PLEKHG6: variants seen among roughly 807,000 people sequenced by gnomAD.
PLEKHG6 encodes pleckstrin homology domain-containing family G member 6.
Under a neutral mutation model 97.5 loss-of-function variants are expected in PLEKHG6, and 91 were observed. The ratio of observed to expected loss-of-function variants is 0.93; its 90% CI spans 0.79 to 1.11. The LOEUF is 1.11. PLEKHG6 is among the 50% of genes most tolerant of loss of function. The pLI, the probability that PLEKHG6 is intolerant of heterozygous loss-of-function variation, is 0.00. For synonymous variants in PLEKHG6, 466 were observed against 425.5 expected (o/e 1.10, Z -1.17); for missense variants, 1,044 against 1,031.0 (o/e 1.01, Z -0.17).
chr12:6,311,466 T>C (rs1947263720), intron 1 of PLEKHG6, among the ~76,000 whole-genome samples: 2 of 152,152 alleles, frequency 1.3e-5, no homozygotes, highest in Non-Finnish European at 2.9e-5. Context: ...CAGTAAAGAT[T>C]AGAGACTTCG....
Position 6,313,759 on chromosome 12 carries a change from G to A in PLEKHG6, c.269G>A (p.Gly90Asp). The change falls in exon 3 of 16, where the codon GGC becomes GAC. Residue 90 changes from glycine to aspartate, a missense_variant. Physicochemically the swap from Gly to Asp is moderately conservative, Grantham distance 94 (BLOSUM62 -1). Transcript: ENST00000684764. ...AGGCACGGGGGCCATGTGGGGGCTG[G>A]CCTGCTTCACTCCCCCAAACTCAAG... ...EKRHGGHVGA[G>D]LLHSPKLKEL... 1.3e-6 allele frequency: 2 copies of A among 1,597,424 alleles called. No individual in the cohort carries two copies. Among genetic ancestry groups the A allele is most frequent in the Non-Finnish European group, 1.7e-6 (2 of 1,171,868 alleles).
chr12:6,317,372 G>T lies in PLEKHG6; in HGVS notation c.826G>T (p.Glu276Ter). The T allele has an allele frequency of 6.2e-7, 1 of 1,614,116 alleles. No homozygotes were observed. The highest frequency in any genetic ancestry group is 1.1e-5 in the South Asian group (1 of 91,082). The part of the protein sequence containing the change: ...RVKQTMAYAR[E>*]QQETNPLFHA... ...GAAGCAGACCATGGCTTACGCCCGA[G>T]AACAGCAAGAAACTAACCCTCTCTT... is the stretch of plus-strand genomic sequence containing the variant. Residue 276 changes from glutamate (E) to a stop codon, truncating the protein, a stop_gained, in exon 8 of 16, where the codon GAA becomes TAA. Transcript: ENST00000684764. LOFTEE classifies it high-confidence loss of function.
At position 6,326,363 on chromosome 12, in the gene PLEKHG6, G is replaced by C. The variant is rs1038382335; in HGVS notation, c.1525-65G>C. The C allele has an allele frequency of 3.4e-6, 4 of 1,178,390 alleles. No individual in the cohort carries two copies. The African/African-American group carries it at 6.2e-5, about 18-fold the overall frequency. 73.0% of individuals were successfully genotyped at this position (1,178,390 alleles called of 1,614,324 possible). On this transcript the variant is annotated intron_variant, in intron 13 of 15. Transcript: ENST00000684764. Reference sequence around the variant, plus strand: ...TAATATATGTAACGCACTTAGCAGGGTGCCTGGCAAACAGCAAGTGCTCAA... The same window carrying C: ...TAATATATGTAACGCACTTAGCAGGCTGCCTGGCAAACAGCAAGTGCTCAA...
rs771345415 is a variant in PLEKHG6 at position 6,313,713 on chromosome 12, C to A, written c.223C>A (p.Arg75=). ...QARGLSPMRL[R]DPEPEKRHGG... ...CCGAGGCCTGTCACCCATGAGACTG[C>A]GAGATCCAGAGCCCGAGAAGAGGCA... The change falls in exon 3 of 16, where the codon CGA becomes AGA. Residue 75 remains arginine (R), a synonymous_variant. Coordinates refer to ENST00000684764, the MANE Select transcript of PLEKHG6 (RefSeq NM_001384598.1). 5 of 1,612,466 alleles carry A rather than the reference C, an allele frequency of 3.1e-6. No homozygotes were observed. The highest frequency in any genetic ancestry group is 4.2e-6 in the Non-Finnish European group (5 of 1,179,404).
intron 2 of PLEKHG6, chr12:6,312,701 A>G: frequency 8.5e-7 from 1 of 1,172,560 alleles, no homozygotes; most frequent in African/African-American, 1.6e-5. Context: ...GCTTGGCAGG[A>G]GTTTGAGGCC....
Position 6,316,575 on chromosome 12 carries a change from C to G in PLEKHG6, c.756+171C>G, listed in dbSNP as rs1947468179. On this transcript the variant is annotated intron_variant, in intron 7 of 15. Coordinates refer to ENST00000684764, the MANE Select transcript of PLEKHG6 (RefSeq NM_001384598.1). The surrounding 1 kb of genome is among the most constrained non-coding windows in gnomAD (Gnocchi z 4.1). ...CCTCCCTTCATGCCACAAGTCTGACCTCTGTGCCACAGGCTCCTTGTTCTT... is the reference window on the plus strand; with the variant it reads ...CCTCCCTTCATGCCACAAGTCTGACGTCTGTGCCACAGGCTCCTTGTTCTT... Among the ~76,000 whole-genome samples, 1 of 152,206 alleles carries G rather than the reference C, an allele frequency of 6.6e-6. No individual in the cohort carries two copies. The highest frequency in any genetic ancestry group is 2.1e-4 in the South Asian group (1 of 4,836).
Position 6,317,911 on chromosome 12 carries a change from G to A in PLEKHG6, c.1072G>A (p.Glu358Lys), listed in dbSNP as rs573086260. The A allele has an allele frequency of 1.5e-5, 23 of 1,563,692 alleles. No individual in the cohort carries two copies. Among genetic ancestry groups the A allele is most frequent in the African/African-American group, 2.7e-5 (2 of 74,124 alleles). ...RHINGQVRQG[E>K]EQESLAAAAQ... is the part of the protein sequence containing the mutation. ...CATCAATGGGCAGGTCCGCCAGGGC[G>A]AAGAGCAAGAGAGCTTGGCGGCTGC... The change falls in exon 10 of 16, where the codon GAA (glutamate) becomes AAA (lysine). Residue 358 changes from glutamate to lysine, a missense_variant. Physicochemically the swap from Glu to Lys is moderately conservative, Grantham distance 56. Coordinates refer to ENST00000684764, the MANE Select transcript of PLEKHG6 (RefSeq NM_001384598.1).
rs112397379 is a variant in PLEKHG6 at position 6,316,411 on chromosome 12, C to G, written c.756+7C>G. 15 of 1,566,228 alleles carry G rather than the reference C, an allele frequency of 9.6e-6. No individual in the cohort carries two copies. The Admixed American group carries it at 2.4e-4, about 26-fold the overall frequency. On this transcript the variant is annotated splice_region_variant and intron_variant, in intron 7 of 15. Transcript: ENST00000684764. This position sits in a 1 kb window ranked among gnomAD's most constrained non-coding sequence, Gnocchi z 4.1. ...GCAAAGTGGCTTCCTGACGGTGAGG[C>G]CTGTGAAGGGCTGTGTCTGGATGGG...
intron 11 of PLEKHG6, 106 bp downstream of exon 11, chr12:6,318,526 T>G: frequency 7.2e-7 from 1 of 1,390,402 alleles, no homozygotes; most frequent in Non-Finnish European, 9.7e-7. Flanking sequence ...GAGGATGTGG[T>G]TCTGGCTAAG....
intron 7 of PLEKHG6, 83 bp from the exon 8 acceptor site, chr12:6,317,220 T>A: frequency 1.1e-6 from 1 of 877,170 alleles, no homozygotes; most frequent in Non-Finnish European, 1.9e-6. Flanking sequence ...TCTCTTCACC[T>A]GCTCCTGGGT....
chr12:6,311,644 A>T (rs1465370587), intron 1 of PLEKHG6, among the ~76,000 whole-genome samples: 1 of 152,180 alleles, frequency 6.6e-6, no homozygotes, highest in African/African-American at 2.4e-5. Flanking sequence ...GGGGGGCAGC[A>T]GTTGTTTCAA....
In PLEKHG6 at chr12:6,316,546, A is replaced by C; in HGVS notation, c.756+142A>C. On this transcript the variant is annotated intron_variant, in intron 7 of 15. Coordinates refer to ENST00000684764, the MANE Select transcript of PLEKHG6 (RefSeq NM_001384598.1). The surrounding 1 kb of genome is among the most constrained non-coding windows in gnomAD (Gnocchi z 4.1). ...CAGCCCCTACCCCTAATATCACCTCACCTCCTCCCTTCATGCCACAAGTCT... is the reference window on the plus strand; with the variant it reads ...CAGCCCCTACCCCTAATATCACCTCCCCTCCTCCCTTCATGCCACAAGTCT... The C allele has an allele frequency of 2.9e-6, 2 of 685,978 alleles. No homozygotes were observed. The highest frequency in any genetic ancestry group is 4.5e-6 in the Non-Finnish European group (2 of 445,436). 42.5% of individuals were successfully genotyped at this position (685,978 alleles called of 1,614,324 possible). A position where few individuals can be genotyped will look rare whatever the true frequency, so the allele number is the denominator to read the frequency against.
In PLEKHG6 at chr12:6,316,145, C is replaced by T. The variant is rs1947449635; in HGVS notation, c.607-110C>T. 1 of 1,149,942 alleles carries T rather than the reference C, an allele frequency of 8.7e-7. No individual in the cohort carries two copies. The highest frequency in any genetic ancestry group is 1.6e-5 in the South Asian group (1 of 61,962). 71.2% of individuals were successfully genotyped at this position (1,149,942 alleles called of 1,614,324 possible). A position where few individuals can be genotyped will look rare whatever the true frequency, so the allele number is the denominator to read the frequency against. On this transcript the variant is annotated intron_variant, in intron 6 of 15. Transcript: ENST00000684764. This position sits in a 1 kb window ranked among gnomAD's most constrained non-coding sequence, Gnocchi z 4.1. ...CAGGCCCAGTGCCCAGTTCATCCTT[C>T]TTCACCCCCGCCCCTGCTGTCCAAG...
chr12:6,319,475 G>C, intron 13 of PLEKHG6: 1 of 1,382,422 alleles, frequency 7.2e-7, no homozygotes, highest in East Asian at 2.5e-5. Context: ...AATGTAGGAA[G>C]GAAGGAAGGA....
At position 6,315,230 on chromosome 12, in the gene PLEKHG6, G is replaced by T; in HGVS notation, c.459+61G>T. On this transcript the variant is annotated intron_variant, in intron 4 of 15. Coordinates refer to ENST00000684764, the MANE Select transcript of PLEKHG6 (RefSeq NM_001384598.1). The surrounding 1 kb of genome is among the most constrained non-coding windows in gnomAD (Gnocchi z 4.5). ...CGGCGTGAATGCACACACAGATTCT[G>T]CTCTAGAGGAGGGAAAGGCCTTGGG... 1 of 1,501,580 alleles carries T rather than the reference G, an allele frequency of 6.7e-7. No individual in the cohort carries two copies. The allele number at this position is 1,501,580 out of a possible 1,614,324, so 93.0% of individuals were successfully genotyped here. A position where few individuals can be genotyped will look rare whatever the true frequency, so the allele number is the denominator to read the frequency against.
At chr12:6,310,639 C>G (rs558144952), upstream of PLEKHG6, 3 of 152,342 alleles carry the variant, frequency 2.0e-5, no homozygotes, top group South Asian at 6.2e-4. Context: ...CCCTCTGCCC[C>G]GAGCGGTGCT....
rs187032835 is a variant in PLEKHG6, at chr12:6,318,937, G to A, written c.1409-56G>A. The A allele has an allele frequency of 9.2e-4, 1,492 of 1,613,118 alleles. 2 individuals are homozygous for A. The highest frequency in any genetic ancestry group is 1.8e-3 in the Admixed American group (106 of 59,990). Reference sequence around the variant, plus strand: ...CTCTTCTCAGCGAGGGGAAGGAGGAGCTGGGACGGAGATCAAATAAAGGCT... The same window carrying A: ...CTCTTCTCAGCGAGGGGAAGGAGGAACTGGGACGGAGATCAAATAAAGGCT... On this transcript the variant is annotated intron_variant, in intron 12 of 15. Transcript: ENST00000684764.
At chr12:6,313,314 G>T in intron 2 of PLEKHG6, 1 of 929,910 alleles carries the variant, frequency 1.1e-6, no homozygotes. Flanking sequence ...AGGAGGCAGT[G>T]GGGGCACACA....
Position 6,317,881 on chromosome 12 carries a change from C to T in PLEKHG6, c.1042C>T (p.Arg348Ter), listed in dbSNP as rs141353120. 7.1e-6 allele frequency: 11 copies of T among 1,555,534 alleles called. No individual in the cohort carries two copies. The highest frequency in any genetic ancestry group is 4.8e-5 in the East Asian group (2 of 41,396). The stretch of plus-strand genomic sequence containing the variant: ...GATTGAAGCCGTGGAGTCATTCCTG[C>T]GACACATCAATGGGCAGGTCCGCCA... ...AMIEAVESFL[R>*]HINGQVRQGE... The change falls in exon 10 of 16, where the codon CGA becomes TGA. Residue 348 changes from arginine (R) to a stop codon, truncating the protein, a stop_gained. Coordinates refer to ENST00000684764, the MANE Select transcript of PLEKHG6 (RefSeq NM_001384598.1). LOFTEE classifies it high-confidence loss of function.
Sources: gnomAD v4.1 joint callset for allele counts (sites outside exome capture counted in the v4.1 genomes callset) on GRCh38, gnomAD v4.1.1 for gene constraint, Gnocchi (gnomAD v3.1) non-coding constraint, MANE v1.5 for transcripts, NCBI Gene and HGNC (gene_info 2026-07-23, HGNC 2026-07-21) for gene names.